Variants in SH3BGR observed in about 807,000 individuals in gnomAD.
SH3BGR encodes SH3 domain-binding glutamic acid-rich protein.
In SH3BGR, 29 loss-of-function variants were observed where a neutral mutation model predicts 24.5. The ratio of observed to expected loss-of-function variants is 1.18; its 90% CI spans 0.88 to 1.61. SH3BGR has a LOEUF of 1.61. Ranked by LOEUF, SH3BGR falls within the 40% of genes most tolerant of loss-of-function variation. The pLI is 0.00. For synonymous variants in SH3BGR, 55 were observed against 65.7 expected (o/e 0.84, Z 0.79); for missense variants, 162 against 205.8 (o/e 0.79, Z 1.30).
At chr21:39,468,678 A>G (rs9981594) in intron 2 of SH3BGR, among the ~76,000 whole-genome samples, 69,385 of 152,034 alleles carry the variant, frequency 0.46, 16,652 homozygotes, top group African/African-American at 0.6. Context: ...GGCTCAAGCA[A>G]TCCTCCTGCC....
At chr21:39,453,792 C>T (rs2077612368) in intron 1 of SH3BGR, among the ~76,000 whole-genome samples, 1 of 152,208 alleles carries the variant, frequency 6.6e-6, no homozygotes, top group African/African-American at 2.4e-5. Flanking sequence ...ATAGTGCCTA[C>T]ATCATAGTGT....
intron 3 of SH3BGR, among the ~76,000 whole-genome samples, chr21:39,479,167 C>T (rs1320882580): frequency 4.0e-5 from 6 of 150,996 alleles, no homozygotes; most frequent in East Asian, 1.9e-4. Context: ...CCTAGGGTTT[C>T]GAGGCCAGTC....
chr21:39,500,608 G>A (rs1044252169), intron 4 of SH3BGR, among the ~76,000 whole-genome samples: 1 of 152,150 alleles, frequency 6.6e-6, no homozygotes, highest in African/African-American at 2.4e-5. Flanking sequence ...GGAGCCTGGT[G>A]GGGCTGGGAA....
chr21:39,510,383 CACACACACTGTAGCT>C (rs1432713918), intron 5 of SH3BGR, among the ~76,000 whole-genome samples: 1 of 136,062 alleles, frequency 7.3e-6, no homozygotes, highest in Admixed American at 7.3e-5. Flanking sequence ...CACACACACA[CACACACACTGTAGCT>C]ACACACACAC....
chr21:39,499,545 C>T (rs1480295373), intron 3 of SH3BGR, among the ~76,000 whole-genome samples: 2 of 152,214 alleles, frequency 1.3e-5, no homozygotes, highest in African/African-American at 4.8e-5. Flanking sequence ...TAGAATTCTT[C>T]TCCTCATCAG....
At chr21:39,458,214 A>G (rs1297119064) in intron 1 of SH3BGR, among the ~76,000 whole-genome samples, 1 of 152,192 alleles carries the variant, frequency 6.6e-6, no homozygotes, top group East Asian at 1.9e-4. Flanking sequence ...GTGCTCTGTA[A>G]AACATTTTTG....
intron 3 of SH3BGR, chr21:39,488,584 T>C (rs3787927): frequency 0.57 from 153,246 of 267,032 alleles, 44,508 homozygotes; most frequent in Admixed American, 0.68. Flanking sequence ...GGTGCCTAGT[T>C]TTAGGATTAT....
At chr21:39,477,344 C>T (rs1284003688) in intron 3 of SH3BGR, among the ~76,000 whole-genome samples, 3 of 152,020 alleles carry the variant, frequency 2.0e-5, no homozygotes, top group African/African-American at 7.2e-5. Context: ...CTATGTTGCC[C>T]AGGCTAGTTT....
intron 2 of SH3BGR, among the ~76,000 whole-genome samples, chr21:39,465,145 A>G (rs2077819529): frequency 6.6e-6 from 1 of 152,000 alleles, no homozygotes; most frequent in African/African-American, 2.4e-5. Context: ...GCCTCAGGCA[A>G]ACTCCTGGCC....
At chr21:39,513,634 C>G (rs1214728085) in intron 6 of SH3BGR, among the ~76,000 whole-genome samples, 2 of 152,038 alleles carry the variant, frequency 1.3e-5, no homozygotes, top group East Asian at 3.9e-4. Flanking sequence ...CTTTAAAGCC[C>G]TCTGCTTGCC....
At chr21:39,504,647 A>G (rs2078552872) in intron 4 of SH3BGR, among the ~76,000 whole-genome samples, 1 of 152,180 alleles carries the variant, frequency 6.6e-6, no homozygotes, top group Non-Finnish European at 1.5e-5. Flanking sequence ...AATGGTGATT[A>G]TGTGAGATCT....
At chr21:39,458,886 A>G (rs2077708863) in intron 1 of SH3BGR, among the ~76,000 whole-genome samples, 1 of 152,018 alleles carries the variant, frequency 6.6e-6, no homozygotes, top group South Asian at 2.1e-4. Context: ...GCCTCAGATG[A>G]TCTGCCTGCC....
intron 5 of SH3BGR, among the ~76,000 whole-genome samples, chr21:39,510,044 G>A (rs1005679438): frequency 1.5e-5 from 2 of 129,450 alleles, no homozygotes; most frequent in African/African-American, 6.8e-5. Flanking sequence ...CCAGGTTCAC[G>A]CCATTCTCCT....
chr21:39,489,000 A>C (rs1327832503), intron 3 of SH3BGR, among the ~76,000 whole-genome samples: 1 of 152,236 alleles, frequency 6.6e-6, no homozygotes, highest in Non-Finnish European at 1.5e-5. Context: ...CTACAAGATG[A>C]GCAACAGAGA....
At chr21:39,514,647 C>T (rs1225740561) in intron 6 of SH3BGR, among the ~76,000 whole-genome samples, 2 of 152,182 alleles carry the variant, frequency 1.3e-5, no homozygotes, top group Non-Finnish European at 2.9e-5. Context: ...CAGGCATGAA[C>T]CACCACGTCT....
At chr21:39,506,704 T>C (rs1209574247) in intron 4 of SH3BGR, among the ~76,000 whole-genome samples, 1 of 152,132 alleles carries the variant, frequency 6.6e-6, no homozygotes, top group Non-Finnish European at 1.5e-5. Flanking sequence ...TACCTCCACC[T>C]GGCCCCACCC....
At position 39,466,532 on chromosome 21, in the gene SH3BGR, A is replaced by G. The variant is rs1262761458; in HGVS notation, c.231+3972A>G. Among the ~76,000 whole-genome samples the G allele has an allele frequency of 1.3e-5, 2 of 152,234 alleles. 1 individual carries two copies. The highest frequency in any genetic ancestry group is 2.9e-5 in the Non-Finnish European group (2 of 68,042). On this transcript the variant is annotated intron_variant, in intron 2 of 6. Transcript: ENST00000333634. ...CAGGACTGGATAATTTATAAAGGAA[A>G]GAGGTTTAATTGACTCACAGTTCAG...
At chr21:39,466,188 G>C (rs1448564436) in intron 2 of SH3BGR, among the ~76,000 whole-genome samples, 1 of 152,216 alleles carries the variant, frequency 6.6e-6, no homozygotes, top group Non-Finnish European at 1.5e-5. Context: ...AGCTGAGTTT[G>C]AGAGTGGCTA....
In SH3BGR at chr21:39,509,036, G is replaced by A. The variant is rs376963683; in HGVS notation, c.435+9G>A. ...AGACAGCCACAGAAGAGGTACGGTC[G>A]ACCATCTTTAACAGCTGTGCTTAAT... On this transcript the variant is annotated intron_variant, in intron 5 of 6. Transcript: ENST00000333634. 9.3e-6 allele frequency: 15 copies of A among 1,606,192 alleles called. No individual in the cohort carries two copies. Among genetic ancestry groups the A allele is most frequent in the South Asian group, 1.1e-5 (1 of 89,496 alleles).
Sources: gnomAD v4.1 joint callset for allele counts (sites outside exome capture counted in the v4.1 genomes callset) on GRCh38, gnomAD v4.1.1 for gene constraint, MANE v1.5 for transcripts, NCBI Gene and HGNC (gene_info 2026-07-23, HGNC 2026-07-21) for gene names.